FHIT: variants seen among roughly 807,000 people sequenced by gnomAD.
FHIT encodes the protein bis(5'-adenosyl)-triphosphatase.
FHIT carries 19 observed loss-of-function variants against 17.9 expected under a neutral mutation model. The observed-to-expected ratio is 1.06, with a 90% CI of 0.74 to 1.56. The LOEUF (loss-of-function observed/expected upper bound fraction) is 1.56, where lower values mean the gene tolerates loss of function less well. Among genes scored for constraint, FHIT ranks in the 40% most tolerant of loss-of-function variants. The pLI, the probability that FHIT is intolerant of heterozygous loss-of-function variation, is 0.00. For synonymous variants in FHIT, 81 were observed against 69.7 expected, an observed-to-expected ratio of 1.16 and a Z score of -0.81; for missense variants, 248 against 189.2, an observed-to-expected ratio of 1.31 and a Z score of -1.82.
At chr3:60,113,968 C>T (rs1309193737) in intron 5 of FHIT, among the ~76,000 whole-genome samples, 1 of 114,030 alleles carries the variant, frequency 8.8e-6, no homozygotes, top group Non-Finnish European at 1.7e-5. Flanking sequence ...CGCCACAGCA[C>T]TCCAGCCTGG....
chr3:60,425,683 C>T (rs1020023868), intron 5 of FHIT, among the ~76,000 whole-genome samples: 3 of 151,976 alleles, frequency 2.0e-5, no homozygotes, highest in Non-Finnish European at 1.5e-5. Flanking sequence ...AGAAACTCCT[C>T]AAAAAGGTCA....
intron 5 of FHIT, among the ~76,000 whole-genome samples, chr3:60,321,072 T>C (rs1182992504): frequency 6.6e-6 from 1 of 152,200 alleles, no homozygotes. Context: ...GAAAACATGC[T>C]TGTTTCTCTC....
At chr3:59,772,784 A>G (rs1209078728) in intron 8 of FHIT, among the ~76,000 whole-genome samples, 1 of 152,136 alleles carries the variant, frequency 6.6e-6, no homozygotes, top group African/African-American at 2.4e-5. Context: ...GCTCGATGTT[A>G]CATATAACTG....
rs7614251 is a variant in FHIT at position 59,890,781 on chromosome 3, C to T, written c.348+31565G>A. 7.7e-3 allele frequency among the ~76,000 whole-genome samples: 1,165 copies of T among 152,238 alleles called. 18 individuals are homozygous for T. Among genetic ancestry groups the T allele is most frequent in the African/African-American group, 0.027 (1,119 of 41,534 alleles). On this transcript the variant is annotated intron_variant, in intron 8 of 9. Transcript: ENST00000492590. ...TATTATCTCTCTTCCGTTAGTTTCA[C>T]GTACAATGCTAAGGTCAAAGAAGTT... is the stretch of plus-strand genomic sequence containing the variant.
chr3:61,243,133 G>A (rs1360251200), intron 1 of FHIT, among the ~76,000 whole-genome samples: 2 of 152,178 alleles, frequency 1.3e-5, no homozygotes, highest in African/African-American at 4.8e-5. Flanking sequence ...GGAGGTTAGA[G>A]GCAAGTTAGA....
intron 4 of FHIT, among the ~76,000 whole-genome samples, chr3:60,544,749 A>C (rs1468256036): frequency 1.3e-5 from 2 of 151,760 alleles, no homozygotes; most frequent in East Asian, 1.9e-4. Flanking sequence ...GGCACCCACC[A>C]CCACACTCAG....
intron 8 of FHIT, among the ~76,000 whole-genome samples, chr3:59,835,021 G>C (rs1225316119): frequency 6.6e-6 from 1 of 152,102 alleles, no homozygotes; most frequent in Non-Finnish European, 1.5e-5. Context: ...ATTTTATGTA[G>C]ATATGCAAAG....
At chr3:59,919,175 C>T (rs577313941) in intron 8 of FHIT, among the ~76,000 whole-genome samples, 1 of 152,254 alleles carries the variant, frequency 6.6e-6, no homozygotes, top group African/African-American at 2.4e-5. Context: ...AAGAGAGGCA[C>T]CACAAATCCA....
chr3:60,775,286 A>C (rs1363344981), intron 4 of FHIT, among the ~76,000 whole-genome samples: 2 of 152,188 alleles, frequency 1.3e-5, no homozygotes, highest in African/African-American at 2.4e-5. Flanking sequence ...CAACCACCCA[A>C]GTCTCCAGCC....
intron 8 of FHIT, among the ~76,000 whole-genome samples, chr3:59,771,372 GATA>G (rs1307210323): frequency 6.6e-6 from 1 of 152,124 alleles, no homozygotes; most frequent in African/African-American, 2.4e-5. Flanking sequence ...ATGGGAATAT[GATA>G]ATAATTTTTA....
At position 60,963,877 on chromosome 3, in the gene FHIT, C is replaced by T. The variant is rs903927512; in HGVS notation, c.-111+78170G>A. ...TATGTGGTCAGTTTTGGAATAAGTG[C>T]GATGTGGTGCTGAGAAGAATGTATC... On this transcript the variant is annotated intron_variant, in intron 3 of 9. Transcript: ENST00000492590. Among the ~76,000 whole-genome samples the T allele has an allele frequency of 1.7e-4, 26 of 152,146 alleles. 1 individual carries two copies. Among genetic ancestry groups the T allele is most frequent in the Middle Eastern group, 3.4e-3 (1 of 294 alleles).
At chr3:61,139,823 T>A (rs2037024656) in intron 2 of FHIT, among the ~76,000 whole-genome samples, 1 of 152,100 alleles carries the variant, frequency 6.6e-6, no homozygotes. Context: ...TGAATTTGAA[T>A]AGCAAGAGCG....
intron 4 of FHIT, among the ~76,000 whole-genome samples, chr3:60,611,140 T>C (rs1319077268): frequency 2.0e-5 from 3 of 152,188 alleles, no homozygotes; most frequent in African/African-American, 7.2e-5. Context: ...TGTCTTCTCA[T>C]CCTGCTGAGA....
At chr3:60,505,280 G>A (rs2034682634) in intron 5 of FHIT, among the ~76,000 whole-genome samples, 1 of 152,064 alleles carries the variant, frequency 6.6e-6, no homozygotes, top group Non-Finnish European at 1.5e-5. Flanking sequence ...CAATTAGGAT[G>A]GTCTCATTTA....
At chr3:61,022,413 G>T (rs1395733005) in intron 3 of FHIT, among the ~76,000 whole-genome samples, 1 of 152,088 alleles carries the variant, frequency 6.6e-6, no homozygotes, top group Non-Finnish European at 1.5e-5. Context: ...TCTACCAGAG[G>T]TAAAAGAGGA....
intron 3 of FHIT, among the ~76,000 whole-genome samples, chr3:61,022,302 C>A (rs755316206): frequency 6.6e-6 from 1 of 152,134 alleles, no homozygotes; most frequent in African/African-American, 2.4e-5. Flanking sequence ...AGGAAGAAGT[C>A]GAATCCCTGA....
intron 5 of FHIT, among the ~76,000 whole-genome samples, chr3:60,129,695 C>T (rs1699450292): frequency 1.3e-5 from 2 of 152,090 alleles, no homozygotes; most frequent in East Asian, 3.9e-4. Context: ...CTTTTTTTCT[C>T]ATCCCAAATA....
At chr3:60,999,468 T>A (rs755976604) in intron 3 of FHIT, among the ~76,000 whole-genome samples, 12 of 150,458 alleles carry the variant, frequency 8.0e-5, no homozygotes, top group Non-Finnish European at 1.6e-4. Context: ...TGAAAGCAAA[T>A]AGGATTACTA....
chr3:59,971,465 G>C (rs6446103), intron 7 of FHIT, among the ~76,000 whole-genome samples: 71,598 of 151,912 alleles, frequency 0.47, 19,673 homozygotes, highest in South Asian at 0.62. Context: ...ACAGCTGATA[G>C]ATAGAACCTA....
Sources: allele counts gnomAD v4.1 joint callset (sites outside exome capture counted in the v4.1 genomes callset), GRCh38; gene constraint gnomAD v4.1.1; transcripts MANE v1.5; gene names NCBI Gene and HGNC (gene_info 2026-07-23, HGNC 2026-07-21).